Variants in TBX22 observed in about 807,000 individuals in gnomAD.
The protein encoded by TBX22 is T-box transcription factor TBX22.
A neutral mutation model predicts 30.1 loss-of-function variants in TBX22; 8 were observed. The observed-to-expected ratio is 0.27, with a 90% CI of 0.16 to 0.48. The LOEUF (loss-of-function observed/expected upper bound fraction) is 0.48. Among genes scored for constraint, TBX22 ranks in the 20% least tolerant of loss-of-function variants. The probability of loss-of-function intolerance (pLI) is 0.99; values close to 1 mark genes in which losing one functional copy is unlikely to be tolerated. For synonymous variants in TBX22, 173 were observed against 149.1 expected, an observed-to-expected ratio of 1.16 and a Z score of -1.17; for missense variants, 463 against 400.5, an observed-to-expected ratio of 1.16 and a Z score of -1.33.
intron 8 of TBX22, among the ~76,000 whole-genome samples, chrX:80,030,166 G>A (rs948226032): frequency 8.9e-6 from 1 of 111,781 alleles, no homozygotes; most frequent in African/African-American, 3.3e-5. Flanking sequence ...AGAATCTAAT[G>A]CTGCCGCTGA....
At position 80,031,008 on chromosome X, in the gene TBX22, G is replaced by C; in HGVS notation, c.1460G>C (p.Ser487Thr). The stretch of plus-strand genomic sequence containing the variant: ...TTCTCTATGCCATCTAGACTGATAA[G>C]TGGTTCCAACCATCTTAAAGTGAAT... Reference protein sequence around the residue: ...YNFSMPSRLISGSNHLKVNDD... With the variant: ...YNFSMPSRLITGSNHLKVNDD... Residue 487 changes from serine to threonine, a missense_variant, in exon 9 of 9, where the codon AGT becomes ACT. Transcript: ENST00000373296. 6 of 1,211,794 alleles carry C rather than the reference G, an allele frequency of 5.0e-6. No homozygotes were observed. The highest frequency in any genetic ancestry group is 6.7e-6 in the Non-Finnish European group (6 of 895,303).
intron 1 of TBX22, among the ~76,000 whole-genome samples, chrX:80,018,446 T>TA (rs200041885): frequency 4.0e-3 from 446 of 110,220 alleles, no homozygotes; most frequent in African/African-American, 9.2e-3. Context: ...TTGAATTTCT[T>TA]AAAAAAAAAG....
intron 5 of TBX22, 100 bp from the exon 6 acceptor site, chrX:80,026,604 T>C (rs1923986686): frequency 1.1e-6 from 1 of 893,605 alleles, no homozygotes; most frequent in South Asian, 2.0e-5. Context: ...AGCTTCATCA[T>C]TGCCTTTTTG....
Position 80,022,514 on chromosome X carries a change from G to C in TBX22, c.175+70G>C. 3 of 1,074,982 alleles carry C rather than the reference G, an allele frequency of 2.8e-6. No individual in the cohort carries two copies. The Admixed American group carries it at 7.8e-5, about 28-fold the overall frequency. 88.6% of individuals were successfully genotyped at this position (1,074,982 alleles called of 1,213,427 possible). On this transcript the variant is annotated intron_variant, in intron 2 of 8. Transcript: ENST00000373296. ...TTCCGCATCTCTCCGCCTGGCTCGC[G>C]TCCCGACGCAGCCAGACAGCCACAT...
In TBX22 at chrX:80,024,064, C is replaced by G. The variant is rs1162711332; in HGVS notation, c.358C>G (p.Arg120Gly). ...CAGTCCTTATTTTCTTTCTTACAGGCGGATGTTCCCCTCTGTTCGGGTCAA... is the reference window on the plus strand; with the variant it reads ...CAGTCCTTATTTTCTTTCTTACAGGGGGATGTTCCCCTCTGTTCGGGTCAA... ...TEMIITKAGR[R>G]MFPSVRVKVK... Residue 120 changes from arginine to glycine, a missense_variant and splice_region_variant, in exon 4 of 9, where the codon CGG (arginine) becomes GGG (glycine). Physicochemically the swap from Arg to Gly is moderately radical, Grantham distance 125 (BLOSUM62 -2). Coordinates refer to ENST00000373296, the MANE Select transcript of TBX22 (RefSeq NM_001109878.2). 7.4e-6 allele frequency: 9 copies of G among 1,209,556 alleles called. No homozygotes were observed. Among genetic ancestry groups the G allele is most frequent in the Non-Finnish European group, 1.0e-5 (9 of 893,623 alleles).
chrX:80,024,145 G>C lies in TBX22; in HGVS notation c.439G>C (p.Val147Leu). The C allele has an allele frequency of 8.3e-7, 1 of 1,210,534 alleles. No individual in the cohort carries two copies. Among genetic ancestry groups the C allele is most frequent in the Non-Finnish European group, 1.1e-6 (1 of 894,663 alleles). Residue 147 changes from valine to leucine, a missense_variant, in exon 4 of 9, where the codon GTG becomes CTG. Coordinates refer to ENST00000373296, the MANE Select transcript of TBX22 (RefSeq NM_001109878.2). The part of the protein sequence containing the change: ...QYHVAIDVVP[V>L]DSKRYRYVYH... ...CCATGTGGCCATCGATGTGGTGCCG[G>C]TGGATTCCAAACGCTATAGGTAATG...
chrX:80,024,915 G>A (rs1297430082), intron 4 of TBX22, among the ~76,000 whole-genome samples: 1 of 110,642 alleles, frequency 9.0e-6, no homozygotes, highest in Non-Finnish European at 1.9e-5. Context: ...TTTACACTAG[G>A]GCTGTGAGCA....
chrX:80,026,133 C>T lies in TBX22; in HGVS notation c.633+356C>T, dbSNP rs766048001. On this transcript the variant is annotated intron_variant, in intron 5 of 8. Coordinates refer to ENST00000373296, the MANE Select transcript of TBX22 (RefSeq NM_001109878.2). Reference sequence around the variant, plus strand: ...TCTCTGATTGCCTTCCTGTAGTCCACGCAGTTGGATGGGCACCCAGTGTAT... The same window carrying T: ...TCTCTGATTGCCTTCCTGTAGTCCATGCAGTTGGATGGGCACCCAGTGTAT... Among the ~76,000 whole-genome samples, 7 of 111,233 alleles carry T rather than the reference C, an allele frequency of 6.3e-5. No individual in the cohort carries two copies. The East Asian group carries it at 1.4e-3, about 23-fold the overall frequency.
intron 7 of TBX22, 92 bp from the exon 8 acceptor site, chrX:80,027,899 A>C: frequency 1.5e-6 from 1 of 662,655 alleles, no homozygotes; most frequent in South Asian, 2.3e-5. Flanking sequence ...TATTTAAAAT[A>C]GTTACATCTG....
Position 80,027,195 on chromosome X carries a change from T to C in TBX22, c.799-61T>C, listed in dbSNP as rs192447515. 184 of 650,461 alleles carry C rather than the reference T, an allele frequency of 2.8e-4. No homozygotes were observed. In the East Asian group the frequency reaches 4.9e-3, roughly 17 times the overall value. The allele number at this position is 650,461 out of a possible 1,213,427, so 53.6% of individuals were successfully genotyped here. A position where few individuals can be genotyped will look rare whatever the true frequency, so the allele number is the denominator to read the frequency against. ...TGGTGGTTGTAACCACTATAAGCAA[T>C]GGCAACAGTGTTCTTACTGAAAGCA... On this transcript the variant is annotated intron_variant, in intron 6 of 8. Transcript: ENST00000373296.
chrX:80,027,445 C>G (rs1328233031), intron 7 of TBX22, 125 bp downstream of exon 7: 5 of 409,732 alleles, frequency 1.2e-5, no homozygotes, highest in African/African-American at 5.4e-5. Flanking sequence ...ATGGCACGAT[C>G]TCAGCTCACT....
At position 80,027,218 on chromosome X, in the gene TBX22, G is replaced by A. The variant is rs183911517; in HGVS notation, c.799-38G>A. 3.4e-5 allele frequency: 26 copies of A among 774,936 alleles called. No homozygotes were observed. The African/African-American group carries it at 4.5e-4, about 13-fold the overall frequency. 63.9% of individuals were successfully genotyped at this position (774,936 alleles called of 1,213,427 possible). On this transcript the variant is annotated intron_variant, in intron 6 of 8. Coordinates refer to ENST00000373296, the MANE Select transcript of TBX22 (RefSeq NM_001109878.2). Reference sequence around the variant, plus strand: ...AATGGCAACAGTGTTCTTACTGAAAGCAATGACTTTATCTTTCTCTCTCTA... The same window carrying A: ...AATGGCAACAGTGTTCTTACTGAAAACAATGACTTTATCTTTCTCTCTCTA...
chrX:80,030,726 G>T lies in TBX22; in HGVS notation c.1178G>T (p.Arg393Ile). The T allele has an allele frequency of 8.3e-7, 1 of 1,211,889 alleles. No individual in the cohort carries two copies. Among genetic ancestry groups the T allele is most frequent in the Non-Finnish European group, 1.1e-6 (1 of 895,563 alleles). Residue 393 changes from arginine to isoleucine, a missense_variant, in exon 9 of 9, where the codon AGA (arginine) becomes ATA (isoleucine). By Grantham distance (97) the Arg-to-Ile change is moderately conservative (BLOSUM62 -3). Coordinates refer to ENST00000373296, the MANE Select transcript of TBX22 (RefSeq NM_001109878.2). ...CCTCTTGTTTTACCGGCTCCTGAAA[G>T]ACTAGCAAGCAGCAACAGTTCTCAG... ...QQPLVLPAPE[R>I]LASSNSSQSL...
In TBX22 at chrX:80,022,376, G is replaced by A. The variant is rs1223023604; in HGVS notation, c.107G>A (p.Arg36Gln). The change falls in exon 2 of 9, where the codon CGG becomes CAG. Residue 36 changes from arginine (R) to glutamine (Q), a missense_variant. By Grantham distance (43) the Arg-to-Gln change is conservative. Transcript: ENST00000373296. ...ATACAGGCGGAGCAGCCTGAGCTGCGGGAGAAAAAGGGCGGAGAGGAAGAG... is the reference window on the plus strand; with the variant it reads ...ATACAGGCGGAGCAGCCTGAGCTGCAGGAGAAAAAGGGCGGAGAGGAAGAG... The part of the protein sequence containing the change: ...DPIQAEQPEL[R>Q]EKKGGEEEEE... The A allele has an allele frequency of 2.5e-6, 3 of 1,209,694 alleles. No individual in the cohort carries two copies. Among genetic ancestry groups the A allele is most frequent in the South Asian group, 1.8e-5 (1 of 56,514 alleles).
chrX:80,026,161 T>C (rs1008691473), intron 5 of TBX22, among the ~76,000 whole-genome samples: 4 of 110,812 alleles, frequency 3.6e-5, no homozygotes, highest in Non-Finnish European at 7.6e-5. Flanking sequence ...CAGTGTATGG[T>C]ATGTGTGATG....
At chrX:80,029,593 T>C (rs1175656130) in intron 8 of TBX22, among the ~76,000 whole-genome samples, 3 of 112,260 alleles carry the variant, frequency 2.7e-5, no homozygotes, top group Admixed American at 9.5e-5. Context: ...TATTTTCATG[T>C]TCACTAATTT....
intron 8 of TBX22, among the ~76,000 whole-genome samples, chrX:80,029,717 A>G (rs138139688): frequency 0.016 from 1,835 of 112,273 alleles, 21 homozygotes; most frequent in Middle Eastern, 0.023. Flanking sequence ...AATCTATATA[A>G]TCCCAAACAA....
intron 3 of TBX22, 88 bp downstream of exon 3, chrX:80,023,328 A>G (rs1923815625): frequency 1.1e-6 from 1 of 904,798 alleles, no homozygotes; most frequent in South Asian, 2.1e-5. Flanking sequence ...CTCCAGTTTT[A>G]TGCTCTGGTA....
chrX:80,027,992 G>C lies in TBX22; in HGVS notation c.865G>C (p.Gly289Arg), dbSNP rs1924060453. ...KGFRDTGRNR[G>R]VLDGLLETYP... ...CTGAAAGTTGACTCTCTTTTTTAGG[G>C]GTGTATTGGATGGGCTTTTAGAGAC... The change falls in exon 8 of 9, where the codon GGT (glycine) becomes CGT (arginine). Residue 289 changes from glycine (G) to arginine (R), a missense_variant and splice_region_variant. By Grantham distance (125) the Gly-to-Arg change is moderately radical. Transcript: ENST00000373296. 1 of 1,200,006 alleles carries C rather than the reference G, an allele frequency of 8.3e-7. No individual in the cohort carries two copies.
Sources: gnomAD v4.1 joint callset for allele counts (sites outside exome capture counted in the v4.1 genomes callset) on GRCh38, gnomAD v4.1.1 for gene constraint, MANE v1.5 for transcripts, NCBI Gene and HGNC (gene_info 2026-07-23, HGNC 2026-07-21) for gene names.